SRI: variants seen among roughly 807,000 people sequenced by gnomAD.
The protein encoded by SRI is sorcin.
A neutral mutation model predicts 33.3 loss-of-function variants in SRI; 30 were observed. That is an observed-to-expected ratio of 0.90 (90% CI 0.67 to 1.22). The LOEUF is 1.22. Ranked by LOEUF, SRI falls within the 50% of genes most tolerant of loss-of-function variation. The probability of loss-of-function intolerance (pLI) is 0.00; values close to 1 mark genes in which losing one functional copy is unlikely to be tolerated. For synonymous variants in SRI, 75 were observed against 89.9 expected (o/e 0.83, Z 0.94); for missense variants, 243 against 250.8 (o/e 0.97, Z 0.21).
chr7:88,206,450 G>T lies in SRI; in HGVS notation c.*28C>A, dbSNP rs368568495. On this transcript the variant is annotated 3_prime_UTR_variant, in exon 8 of 8. Coordinates refer to ENST00000265729, the MANE Select transcript of SRI (RefSeq NM_003130.4). ...AAAGGAGAGCTCCAGTTGGAATGTTGATTACATTCATGCAGCTTCCTCTTG... is the reference window on the plus strand; with the variant it reads ...AAAGGAGAGCTCCAGTTGGAATGTTTATTACATTCATGCAGCTTCCTCTTG... 1 of 1,612,926 alleles carries T rather than the reference G, an allele frequency of 6.2e-7. No homozygotes were observed. Among genetic ancestry groups the T allele is most frequent in the African/African-American group, 1.3e-5 (1 of 74,998 alleles).
At chr7:88,220,996 T>G (rs937664608), upstream of SRI, among the ~76,000 whole-genome samples, 2 of 152,218 alleles carry the variant, frequency 1.3e-5, no homozygotes, top group African/African-American at 4.8e-5. Context: ...TTGTGTAATT[T>G]CAATGACAGA....
chr7:88,214,949 A>G (rs188992652), intron 3 of SRI: 5 of 616,624 alleles, frequency 8.1e-6, no homozygotes, highest in African/African-American at 1.9e-5. Flanking sequence ...AAATTCAGGG[A>G]AAAAAGAGAA....
In SRI at chr7:88,217,139, A is replaced by G. The variant is rs193264095; in HGVS notation, c.188T>C (p.Ile63Thr). 19 of 1,613,660 alleles carry G rather than the reference A, an allele frequency of 1.2e-5. No individual in the cohort carries two copies. The African/African-American group carries it at 2.1e-4, about 18-fold the overall frequency. ...ELQRCLTQSG[I>T]AGGYKPFNLE... ...CAACTTACGTTTGTATCCTCCAGCA[A>G]TGCCAGACTGTGTCAGACATCTCTG... The change falls in exon 3 of 8, where the codon ATT becomes ACT. Residue 63 changes from isoleucine (I) to threonine (T), a missense_variant. Ile to Thr is a moderately conservative substitution (Grantham distance 89, BLOSUM62 -1). Coordinates refer to ENST00000265729, the MANE Select transcript of SRI (RefSeq NM_003130.4).
chr7:88,224,659 C>T (rs180847300), upstream of SRI, among the ~76,000 whole-genome samples: 154 of 150,064 alleles, frequency 1.0e-3, 1 homozygote, highest in South Asian at 0.012. Context: ...ATAAAAGCCA[C>T]CCTTTTTCTT....
chr7:88,218,894 G>A lies in SRI; in HGVS notation c.100C>T (p.Pro34Ser). ...ACAGCAGCAAAGTAACCATACAGCG[G>A]ATCCTGAGTTTGTCCGGGAAACGCA... ...GPAFPGQTQD[P>S]LYGYFAAVAG... The change falls in exon 2 of 8, where the codon CCG (proline) becomes TCG (serine). Residue 34 changes from proline to serine, a missense_variant. Transcript: ENST00000265729. 1 of 1,614,074 alleles carries A rather than the reference G, an allele frequency of 6.2e-7. No homozygotes were observed.
At chr7:88,222,257 C>T (rs1356274204), upstream of SRI, among the ~76,000 whole-genome samples, 79 of 150,662 alleles carry the variant, frequency 5.2e-4, 1 homozygote, top group African/African-American at 5.4e-4. Flanking sequence ...CCTGAGGAAT[C>T]GCCACACTGA....
intron 1 of SRI, 78 bp from the exon 2 acceptor site, chr7:88,219,020 G>A: frequency 1.5e-6 from 2 of 1,360,810 alleles, no homozygotes; most frequent in Non-Finnish European, 2.1e-6. Flanking sequence ...TTTTGTGCAA[G>A]GCCAGACAAC....
upstream of SRI, among the ~76,000 whole-genome samples, chr7:88,222,023 A>AT (rs1851899451): frequency 7.0e-6 from 1 of 142,206 alleles, no homozygotes; most frequent in Admixed American, 7.1e-5. Flanking sequence ...TGAACTCATC[A>AT]TTTTTTATGG....
rs984017873 is a variant in SRI, at chr7:88,208,199, T to C, written c.570+308A>G. 13 of 320,346 alleles carry C rather than the reference T, an allele frequency of 4.1e-5. No individual in the cohort carries two copies. The Admixed American group carries it at 4.8e-4, about 12-fold the overall frequency. 19.8% of individuals were successfully genotyped at this position (320,346 alleles called of 1,614,324 possible). ...AATGGCTCAGTGAAAAAGGCATTAC[T>C]ACTATATCTTCTTTATTCATATAGT... On this transcript the variant is annotated intron_variant, in intron 7 of 7. Transcript: ENST00000265729.
intron 1 of SRI, chr7:88,226,806 G>A (rs1852008901): frequency 7.9e-7 from 1 of 1,266,688 alleles, no homozygotes; most frequent in East Asian, 2.5e-5. Flanking sequence ...CCATGGATCA[G>A]TAGAACTACA....
chr7:88,207,214 A>C (rs1373085068), intron 7 of SRI, among the ~76,000 whole-genome samples: 1 of 152,220 alleles, frequency 6.6e-6, no homozygotes, highest in Non-Finnish European at 1.5e-5. Flanking sequence ...GGATGTTTAG[A>C]AATCTTTTAA....
chr7:88,226,780 T>G, intron 1 of SRI: 1 of 948,034 alleles, frequency 1.1e-6, no homozygotes, highest in Non-Finnish European at 1.5e-6. Context: ...GATTAATTGA[T>G]TCTCAGCTTG....
chr7:88,211,683 A>G (rs781407633), intron 3 of SRI, among the ~76,000 whole-genome samples: 3 of 152,146 alleles, frequency 2.0e-5, no homozygotes, highest in African/African-American at 4.8e-5. Flanking sequence ...GGTACTGAGC[A>G]GTAACCTCCT....
intron 1 of SRI, chr7:88,226,774 A>T: frequency 1.2e-6 from 1 of 867,224 alleles, no homozygotes; most frequent in Non-Finnish European, 1.7e-6. Flanking sequence ...AACCTGGATT[A>T]ATTGATTCTC....
Position 88,219,963 on chromosome 7 carries a change from A to G in SRI, c.51+13T>C, listed in dbSNP as rs1406064126. ...AGCCGCCTGGGCCGCGATCCCGCGC[A>G]GTCAGCACTTACCCCGCCTGGGTAG... is the stretch of plus-strand genomic sequence containing the variant. On this transcript the variant is annotated intron_variant, in intron 1 of 7. Transcript: ENST00000265729. 4.5e-6 allele frequency: 7 copies of G among 1,539,998 alleles called. No homozygotes were observed. In the South Asian group the frequency reaches 7.2e-5, roughly 16 times the overall value.
At position 88,210,061 on chromosome 7, in the gene SRI, G is replaced by T. The variant is rs1851537262; in HGVS notation, c.319C>A (p.Gln107Lys). The T allele has an allele frequency of 1.2e-6, 2 of 1,614,128 alleles. No homozygotes were observed. The highest frequency in any genetic ancestry group is 4.5e-5 in the East Asian group (2 of 44,880). ...TCAGTGTCAAAACTGATAAAGTGTT[G>T]TCTCCAGCCATTCAGTACAGCCCAG... ...ELWAVLNGWR[Q>K]HFISFDTDRS... Residue 107 changes from glutamine (Q) to lysine (K), a missense_variant, in exon 5 of 8, where the codon CAA (glutamine) becomes AAA (lysine). Coordinates refer to ENST00000265729, the MANE Select transcript of SRI (RefSeq NM_003130.4).
Position 88,209,686 on chromosome 7 carries a change from C to T in SRI, c.398-234G>A, listed in dbSNP as rs577900352. ...CTGGAGTGCAGTGGTGTGATCTCGG[C>T]TCACAGCAACCTCTGCCTCCTGTGT... On this transcript the variant is annotated intron_variant, in intron 5 of 7. Coordinates refer to ENST00000265729, the MANE Select transcript of SRI (RefSeq NM_003130.4). Among the ~76,000 whole-genome samples, 50 of 151,176 alleles carry T rather than the reference C, an allele frequency of 3.3e-4. 1 individual carries two copies. The Middle Eastern group carries it at 0.014, about 41-fold the overall frequency.
chr7:88,220,142 A>T, upstream of SRI: 1 of 1,342,706 alleles, frequency 7.4e-7, no homozygotes, highest in Non-Finnish European at 9.5e-7. Flanking sequence ...GGCGTGGGGG[A>T]CGCGCTCCGC....
At chr7:88,208,361 C>G in intron 7 of SRI, 146 bp downstream of exon 7, 3 of 1,415,156 alleles carry the variant, frequency 2.1e-6, no homozygotes, top group East Asian at 2.5e-5. Flanking sequence ...TTAATAAATT[C>G]TGGATGATAA....
Sources: gnomAD v4.1 joint callset for allele counts (sites outside exome capture counted in the v4.1 genomes callset) on GRCh38, gnomAD v4.1.1 for gene constraint, MANE v1.5 for transcripts, NCBI Gene and HGNC (gene_info 2026-07-23, HGNC 2026-07-21) for gene names.